HNF4A: variants seen among roughly 807,000 people sequenced by gnomAD.
The protein encoded by HNF4A is hepatocyte nuclear factor 4 alpha, also known as hepatocyte nuclear factor 4-alpha.
A neutral mutation model predicts 52.4 loss-of-function variants in HNF4A; 15 were observed. The observed-to-expected ratio is 0.29, with a 90% CI of 0.19 to 0.44. The LOEUF is 0.44. HNF4A is among the 20% of genes least tolerant of loss of function. The pLI, the probability that HNF4A is intolerant of heterozygous loss-of-function variation, is 1.00. For missense variants in HNF4A, 479 were observed against 647.2 expected, an observed-to-expected ratio of 0.74 and a Z score of 2.82; for synonymous variants, 280 against 264.4, an observed-to-expected ratio of 1.06 and a Z score of -0.57.
In HNF4A at chr20:44,425,677, C is replaced by T. The variant is rs150553932; in HGVS notation, c.1129+1423C>T. 5.4e-3 allele frequency among the ~76,000 whole-genome samples: 423 copies of T among 78,134 alleles called. 1 individual carries two copies. Among genetic ancestry groups the T allele is most frequent in the Middle Eastern group, 0.023 (2 of 86 alleles). 51.3% of individuals were successfully genotyped at this position (78,134 alleles called of 152,430 possible). ...TTTCCTTTTTTTTTTTTTTTTGAGA[C>T]GAGATCTCTCTCTGCCACCCAGGCT... is the stretch of plus-strand genomic sequence containing the variant. On this transcript the variant is annotated intron_variant, in intron 8 of 9. Coordinates refer to ENST00000316099, the MANE Select transcript of HNF4A (RefSeq NM_000457.6).
chr20:44,408,754 T>C (rs1365758431), intron 3 of HNF4A, among the ~76,000 whole-genome samples: 1 of 151,894 alleles, frequency 6.6e-6, no homozygotes, highest in African/African-American at 2.4e-5. Flanking sequence ...CGAGTTCATT[T>C]TCGAATCTCT....
At chr20:44,359,738 T>G (rs2146147113) in intron 1 of HNF4A, among the ~76,000 whole-genome samples, 1 of 152,216 alleles carries the variant, frequency 6.6e-6, no homozygotes, top group South Asian at 2.1e-4. Context: ...AAAGAAAAAA[T>G]GTCTCCAGAA....
chr20:44,403,951 C>A (rs1424244615), intron 1 of HNF4A, among the ~76,000 whole-genome samples: 1 of 152,070 alleles, frequency 6.6e-6, no homozygotes, highest in Non-Finnish European at 1.5e-5. Flanking sequence ...CCCCGGGGGT[C>A]GGGGGAGGAG....
At chr20:44,374,767 G>T (rs753744104) in intron 1 of HNF4A, among the ~76,000 whole-genome samples, 7 of 152,160 alleles carry the variant, frequency 4.6e-5, no homozygotes, top group Admixed American at 1.3e-4. Context: ...CTTGGCTGAT[G>T]TCTTTCTATT....
At chr20:44,372,340 C>T (rs74361268) in intron 1 of HNF4A, among the ~76,000 whole-genome samples, 5,656 of 152,276 alleles carry the variant, frequency 0.037, 151 homozygotes, top group Non-Finnish European at 0.056. Context: ...TCCATTCTTG[C>T]GTAGACCAAT....
rs997023645 is a variant in HNF4A, at chr20:44,403,626, G to A, written c.115+2139G>A. On this transcript the variant is annotated intron_variant, in intron 1 of 9. Coordinates refer to ENST00000316099, the MANE Select transcript of HNF4A (RefSeq NM_000457.6). ...TCCCCCGTCCTCTCCCCACCCCAATGGAGCAGCAGCCCTGGGTGGCTCCTT... is the reference window on the plus strand; with the variant it reads ...TCCCCCGTCCTCTCCCCACCCCAATAGAGCAGCAGCCCTGGGTGGCTCCTT... Among the ~76,000 whole-genome samples, 3 of 152,198 alleles carry A rather than the reference G, an allele frequency of 2.0e-5. No homozygotes were observed. The East Asian group carries it at 5.8e-4, about 29-fold the overall frequency.
chr20:44,361,704 CA>C (rs11477026), intron 1 of HNF4A, among the ~76,000 whole-genome samples: 28,041 of 149,142 alleles, frequency 0.19, 2,713 homozygotes, highest in Middle Eastern at 0.27. Flanking sequence ...AAAACAAAAC[CA>C]AAAAAAAACA....
At chr20:44,374,306 C>T (rs1268793004) in intron 1 of HNF4A, among the ~76,000 whole-genome samples, 6 of 152,126 alleles carry the variant, frequency 3.9e-5, no homozygotes, top group Admixed American at 1.3e-4. Context: ...GCAAAGGACA[C>T]GACTTTGTTC....
chr20:44,355,969 G>A (rs1430153051), intron 1 of HNF4A, 116 bp downstream of exon 1: 4 of 862,450 alleles, frequency 4.6e-6, no homozygotes, highest in Non-Finnish European at 7.2e-6. Flanking sequence ...GAGCTCCTCT[G>A]GAAGGGCAGG....
intron 1 of HNF4A, chr20:44,392,246 AT>A (rs2063310000): frequency 6.6e-6 from 1 of 151,828 alleles, no homozygotes; most frequent in Non-Finnish European, 1.5e-5. Context: ...TTTAATTGGC[AT>A]TTTGATTTTG....
At chr20:44,410,605 A>G (rs11574734) in intron 3 of HNF4A, among the ~76,000 whole-genome samples, 2,813 of 152,204 alleles carry the variant, frequency 0.018, 36 homozygotes, top group Non-Finnish European at 0.025. Flanking sequence ...TGACCTTAGG[A>G]GAATTTGAGG....
In HNF4A at chr20:44,429,542, GCCCTCACC is replaced by G; in HGVS notation, c.1303_1310del (p.Pro435AlafsTer7). On this transcript the variant is annotated frameshift_variant, in exon 10 of 10. Coordinates refer to ENST00000316099, the MANE Select transcript of HNF4A (RefSeq NM_000457.6). LOFTEE classifies it high-confidence loss of function. ...TTCCAGCCACCCCTGAGACCCCACA[GCCCTCACC>G]GCCAGGTGGCTCAGGGTCTGAGCCC... The G allele has an allele frequency of 6.2e-7, 1 of 1,614,054 alleles. No homozygotes were observed. The highest frequency in any genetic ancestry group is 8.5e-7 in the Non-Finnish European group (1 of 1,180,000).
In HNF4A at chr20:44,413,111, G is replaced by A. The variant is rs141454642; in HGVS notation, c.386-583G>A. ...AGTGGAGCCTGGGGCCCCGGTGGGCGTAGGCTCCAGATCCCTCAGTGCCTG... is the reference window on the plus strand; with the variant it reads ...AGTGGAGCCTGGGGCCCCGGTGGGCATAGGCTCCAGATCCCTCAGTGCCTG... On this transcript the variant is annotated intron_variant, in intron 3 of 9. Coordinates refer to ENST00000316099, the MANE Select transcript of HNF4A (RefSeq NM_000457.6). 2.0e-3 allele frequency among the ~76,000 whole-genome samples: 304 copies of A among 152,306 alleles called. 2 individuals carry two copies. Among genetic ancestry groups the A allele is most frequent in the Middle Eastern group, 0.01 (3 of 294 alleles).
intron 1 of HNF4A, among the ~76,000 whole-genome samples, chr20:44,386,360 T>G (rs985725921): frequency 7.2e-5 from 11 of 151,822 alleles, no homozygotes; most frequent in African/African-American, 2.4e-4. Flanking sequence ...AGAGACGAGG[T>G]CTCACCATGT....
chr20:44,388,372 A>AACCCCC (rs2063258391), intron 1 of HNF4A, among the ~76,000 whole-genome samples: 2 of 89,590 alleles, frequency 2.2e-5, no homozygotes, highest in Admixed American at 1.1e-4. Flanking sequence ...TTCCTCAAAG[A>AACCCCC]CCCCCCCCAC....
chr20:44,399,123 G>GA (rs1378407429), upstream of HNF4A, among the ~76,000 whole-genome samples: 345 of 152,282 alleles, frequency 2.3e-3, 1 homozygote, highest in East Asian at 4.6e-3. Flanking sequence ...CTGCCCCCAA[G>GA]GCCGGTGGAG....
rs374703326 is a variant in HNF4A, at chr20:44,414,502, C to T, written c.493-5C>T. 1.5e-4 allele frequency: 247 copies of T among 1,614,098 alleles called. 1 individual carries two copies. Among genetic ancestry groups the T allele is most frequent in the Non-Finnish European group, 1.8e-4 (216 of 1,180,048 alleles). The stretch of plus-strand genomic sequence containing the variant: ...CCAGCATTTTCTTCCCTGTATCTCT[C>T]GAAGATCACCTCCCCCGTCTCCGGG... On this transcript the variant is annotated splice_region_variant and splice_polypyrimidine_tract_variant and intron_variant, in intron 4 of 9. Transcript: ENST00000316099.
At chr20:44,413,621 C>A in intron 3 of HNF4A, 73 bp from the exon 4 acceptor site, 2 of 1,065,054 alleles carry the variant, frequency 1.9e-6, no homozygotes, top group South Asian at 1.3e-5. Context: ...TCCCACTCCT[C>A]ATCAGTCACA....
At chr20:44,400,271 G>A (rs563752140), upstream of HNF4A, among the ~76,000 whole-genome samples, 5 of 152,202 alleles carry the variant, frequency 3.3e-5, no homozygotes, top group East Asian at 7.8e-4. Context: ...CCCCCACAAA[G>A]CCCACTCTGA....
Sources: gnomAD v4.1 joint callset for allele counts (sites outside exome capture counted in the v4.1 genomes callset) on GRCh38, gnomAD v4.1.1 for gene constraint, MANE v1.5 for transcripts, NCBI Gene and HGNC (gene_info 2026-07-23, HGNC 2026-07-21) for gene names.